ZBBX: variants seen among roughly 807,000 people sequenced by gnomAD.
ZBBX encodes zinc finger B-box domain-containing protein 1.
In ZBBX, 101 loss-of-function variants were observed where a neutral mutation model predicts 108.5. That is an observed-to-expected ratio of 0.93 (90% CI 0.79 to 1.10). The LOEUF (loss-of-function observed/expected upper bound fraction) is 1.10. Ranked by LOEUF, ZBBX falls within the 50% of genes least tolerant of loss-of-function variation. The pLI, the probability that ZBBX is intolerant of heterozygous loss-of-function variation, is 0.00. For synonymous variants in ZBBX, 356 were observed against 323.4 expected, an observed-to-expected ratio of 1.10 and a Z score of -1.08; for missense variants, 1,009 against 941.4, an observed-to-expected ratio of 1.07 and a Z score of -0.94.
At chr3:167,339,146 GTTA>G (rs1740102512) in intron 9 of ZBBX, among the ~76,000 whole-genome samples, 2 of 151,946 alleles carry the variant, frequency 1.3e-5, no homozygotes, top group Admixed American at 1.3e-4. Context: ...TTCCCAACGT[GTTA>G]TTGTTTTGAA....
the ZBBX span, among the ~76,000 whole-genome samples, chr3:167,199,327 G>A: frequency 5.3e-5 from 8 of 152,254 alleles, no homozygotes; most frequent in South Asian, 1.0e-3. Flanking sequence ...GCCCTATTTT[G>A]TCAAGTATAT....
At chr3:167,186,310 T>C in the ZBBX span, among the ~76,000 whole-genome samples, 1 of 152,012 alleles carries the variant, frequency 6.6e-6, no homozygotes, top group South Asian at 2.1e-4. Context: ...CTAAATAAAA[T>C]GAAACTAGGG....
the ZBBX span, among the ~76,000 whole-genome samples, chr3:167,201,481 T>C: frequency 6.6e-6 from 1 of 152,232 alleles, no homozygotes; most frequent in East Asian, 1.9e-4. Context: ...CAAACTAATA[T>C]GTAAATGCCC....
At chr3:167,217,629 T>C in the ZBBX span, among the ~76,000 whole-genome samples, 1 of 152,126 alleles carries the variant, frequency 6.6e-6, no homozygotes, top group Non-Finnish European at 1.5e-5. Flanking sequence ...CCCAGAGGAA[T>C]ATAAAGCATT....
rs773234838 is a variant in ZBBX, at chr3:167,240,816, G to A, written c.2497C>T (p.Leu833=). Residue 833 remains leucine, a synonymous_variant, in exon 22 of 22, where the codon CTA becomes TTA. Transcript: ENST00000675490. ...CTTTAAGTACTCTTTGACCACGGTA[G>A]TGTGATGACATGTTGCTTGTTGAGA... ...DFLNKQHVIT[L]PWSKST 27 of 1,613,370 alleles carry A rather than the reference G, an allele frequency of 1.7e-5. No homozygotes were observed. The highest frequency in any genetic ancestry group is 2.2e-5 in the East Asian group (1 of 44,860).
intron 17 of ZBBX, among the ~76,000 whole-genome samples, chr3:167,300,823 G>A (rs1369428263): frequency 6.6e-6 from 1 of 151,368 alleles, no homozygotes; most frequent in Non-Finnish European, 1.5e-5. Flanking sequence ...TCACCATGTT[G>A]GCCAGGCTGG....
At chr3:167,316,423 A>G (rs62279778) in intron 14 of ZBBX, among the ~76,000 whole-genome samples, 9,175 of 152,164 alleles carry the variant, frequency 0.06, 377 homozygotes, top group Non-Finnish European at 0.091. Flanking sequence ...ATTACTAGAA[A>G]GTCAGAAATG....
intron 6 of ZBBX, among the ~76,000 whole-genome samples, chr3:167,363,705 C>A (rs1026122656): frequency 6.6e-5 from 10 of 152,068 alleles, no homozygotes; most frequent in African/African-American, 2.4e-4. Context: ...ATAATAAAGT[C>A]TTTCCTTGAT....
At position 167,282,143 on chromosome 3, in the gene ZBBX, T is replaced by C; in HGVS notation, c.2254+95A>G. On this transcript the variant is annotated intron_variant, in intron 20 of 21. Transcript: ENST00000675490. ...AAGAAGAAAAAGGAAAGCTTTCTTGTTTGCTGGCTTGTTTTGTTAGCGCAA... is the reference window on the plus strand; with the variant it reads ...AAGAAGAAAAAGGAAAGCTTTCTTGCTTGCTGGCTTGTTTTGTTAGCGCAA... 3 of 1,318,742 alleles carry C rather than the reference T, an allele frequency of 2.3e-6. 1 individual carries two copies. Among genetic ancestry groups the C allele is most frequent in the South Asian group, 3.2e-5 (2 of 62,824 alleles). 81.7% of individuals were successfully genotyped at this position (1,318,742 alleles called of 1,614,324 possible).
At chr3:167,203,879 G>A in the ZBBX span, among the ~76,000 whole-genome samples, 1 of 152,070 alleles carries the variant, frequency 6.6e-6, no homozygotes, top group Admixed American at 6.6e-5. Context: ...GCATTCAGTT[G>A]CCCACAATAA....
At chr3:167,243,773 G>A (rs1358093369) in intron 20 of ZBBX, among the ~76,000 whole-genome samples, 1 of 69,118 alleles carries the variant, frequency 1.4e-5, no homozygotes, top group African/African-American at 6.0e-5. Context: ...TTTTTTTTTT[G>A]GTGGTTAGTA....
intron 20 of ZBBX, among the ~76,000 whole-genome samples, chr3:167,264,632 T>A (rs1725159976): frequency 6.6e-6 from 1 of 152,248 alleles, no homozygotes; most frequent in Admixed American, 6.5e-5. Flanking sequence ...GTCTTTCTAC[T>A]TAAGTCAGGA....
the ZBBX span, among the ~76,000 whole-genome samples, chr3:167,190,525 T>C: frequency 1.7e-3 from 252 of 152,004 alleles, 1 homozygote; most frequent in Non-Finnish European, 3.0e-3. Flanking sequence ...GGACTACAGG[T>C]CCCTGCCACC....
At chr3:167,406,140 C>T (rs980059725) in intron 1 of ZBBX, among the ~76,000 whole-genome samples, 7 of 152,158 alleles carry the variant, frequency 4.6e-5, no homozygotes, top group African/African-American at 1.7e-4. Flanking sequence ...TGATTTTCAA[C>T]CTAAGCTACA....
chr3:167,307,007 G>T (rs1733764577), intron 16 of ZBBX, among the ~76,000 whole-genome samples: 2 of 152,056 alleles, frequency 1.3e-5, no homozygotes, highest in South Asian at 4.1e-4. Flanking sequence ...TGGAAACAAG[G>T]AAGTCAAAAG....
chr3:167,407,232 A>G (rs545898549), intron 1 of ZBBX, among the ~76,000 whole-genome samples: 4 of 152,200 alleles, frequency 2.6e-5, no homozygotes, highest in Non-Finnish European at 4.4e-5. Context: ...TAAGGATGTG[A>G]AAAATTAAAC....
chr3:167,342,998 AAATT>A (rs1740813762), intron 9 of ZBBX, among the ~76,000 whole-genome samples: 3 of 151,870 alleles, frequency 2.0e-5, no homozygotes, highest in Admixed American at 2.0e-4. Context: ...CCTCAACACA[AAATT>A]AATCTTTTTG....
At chr3:167,233,584 C>G in the ZBBX span, among the ~76,000 whole-genome samples, 1 of 151,742 alleles carries the variant, frequency 6.6e-6, no homozygotes, top group Non-Finnish European at 1.5e-5. Context: ...TTGAGGCCAG[C>G]TCTTCCATGG....
Position 167,322,133 on chromosome 3 carries a change from G to A in ZBBX, c.967C>T (p.Leu323Phe), listed in dbSNP as rs940658916. The A allele has an allele frequency of 3.8e-6, 5 of 1,314,560 alleles. No homozygotes were observed. The highest frequency in any genetic ancestry group is 5.0e-6 in the Non-Finnish European group (5 of 993,850). 81.4% of individuals were successfully genotyped at this position (1,314,560 alleles called of 1,614,324 possible). A position where few individuals can be genotyped will look rare whatever the true frequency, so the allele number is the denominator to read the frequency against. Residue 323 changes from leucine (L) to phenylalanine (F), a missense_variant, in exon 12 of 22, where the codon CTT becomes TTT. Transcript: ENST00000675490. Reference sequence around the variant, plus strand: ...AGAAAATACCTCCTGTGTTTTTTAAGCCATAATTTTTCCATATAGGATAGA... The same window carrying A: ...AGAAAATACCTCCTGTGTTTTTTAAACCATAATTTTTCCATATAGGATAGA... ...DILSYMEKLW[L>F]KKHRRTPQEQ...
Sources: gnomAD v4.1 joint callset for allele counts (sites outside exome capture counted in the v4.1 genomes callset) on GRCh38, gnomAD v4.1.1 for gene constraint, MANE v1.5 for transcripts, NCBI Gene and HGNC (gene_info 2026-07-23, HGNC 2026-07-21) for gene names.